Variants in LAMB4 observed in about 807,000 individuals in gnomAD.
LAMB4 encodes laminin subunit beta 4, also known as laminin subunit beta-4.
Under a neutral mutation model 199.2 loss-of-function variants are expected in LAMB4, and 196 were observed. That is an observed-to-expected ratio of 0.98 (90% CI 0.88 to 1.11). The LOEUF (loss-of-function observed/expected upper bound fraction) is 1.11. LAMB4 is among the 50% of genes least tolerant of loss of function. The pLI is 0.00. For synonymous variants in LAMB4, 744 were observed against 770.6 expected (o/e 0.97, Z 0.57); for missense variants, 2,080 against 2,171.2 (o/e 0.96, Z 0.83).
chr7:108,048,937 C>T (rs1176954542), intron 27 of LAMB4, among the ~76,000 whole-genome samples: 1 of 152,158 alleles, frequency 6.6e-6, no homozygotes, highest in Admixed American at 6.5e-5. Context: ...GTAATCTGCC[C>T]ACCTTGGCCT....
intron 26 of LAMB4, among the ~76,000 whole-genome samples, chr7:108,051,316 G>A (rs1044912843): frequency 3.3e-5 from 5 of 151,574 alleles, no homozygotes; most frequent in African/African-American, 1.2e-4. Flanking sequence ...TCTCTTCTAG[G>A]TCAAAATCAG....
chr7:108,020,650 T>C (rs2034673685), downstream of LAMB4, among the ~76,000 whole-genome samples: 1 of 152,138 alleles, frequency 6.6e-6, no homozygotes, highest in Non-Finnish European at 1.5e-5. Context: ...CAATGAAAGC[T>C]GATGGAACCT....
chr7:108,043,112 T>C (rs2035480119), intron 29 of LAMB4, among the ~76,000 whole-genome samples: 2 of 152,122 alleles, frequency 1.3e-5, no homozygotes. Flanking sequence ...TCAGCTACTT[T>C]TGGTCAGCCA....
At chr7:108,065,966 A>C (rs750758140) in intron 20 of LAMB4, 47 bp from the exon 21 acceptor site, 14 of 1,566,522 alleles carry the variant, frequency 8.9e-6, no homozygotes, top group Middle Eastern at 3.4e-4. Flanking sequence ...GGAAAAGATC[A>C]CATGTTAGCC....
chr7:108,046,912 ATTTCT>A (rs1371826289), intron 28 of LAMB4, among the ~76,000 whole-genome samples: 1 of 151,092 alleles, frequency 6.6e-6, no homozygotes, highest in Non-Finnish European at 1.5e-5. Context: ...TAATTTATAT[ATTTCT>A]TTTATTATTA....
chr7:108,064,475 C>T (rs1017750225), intron 21 of LAMB4, among the ~76,000 whole-genome samples: 2 of 152,170 alleles, frequency 1.3e-5, no homozygotes, highest in African/African-American at 2.4e-5. Flanking sequence ...GACATATGAG[C>T]CCTTGAGGGT....
At chr7:108,111,676 T>G (rs1045075540) in intron 4 of LAMB4, 135 bp downstream of exon 4, 11 of 675,294 alleles carry the variant, frequency 1.6e-5, no homozygotes, top group Non-Finnish European at 2.5e-5. Context: ...CTTATATGGG[T>G]CTCTACATTC....
intron 10 of LAMB4, among the ~76,000 whole-genome samples, chr7:108,102,162 T>C (rs2150644012): frequency 6.6e-6 from 1 of 152,346 alleles, no homozygotes; most frequent in East Asian, 1.9e-4. Context: ...GAATGTTTAC[T>C]GTAGCATCCA....
intron 17 of LAMB4, among the ~76,000 whole-genome samples, chr7:108,076,550 G>T (rs897059552): frequency 6.6e-6 from 1 of 152,146 alleles, no homozygotes; most frequent in Admixed American, 6.5e-5. Context: ...AATGTGGTTG[G>T]ATTTCTTCCC....
chr7:108,129,744 G>C (rs972272450), intron 1 of LAMB4, among the ~76,000 whole-genome samples: 8 of 152,048 alleles, frequency 5.3e-5, no homozygotes, highest in Admixed American at 3.9e-4. Flanking sequence ...GCTCAGGCTG[G>C]TCTTGACCTC....
chr7:108,041,923 T>C (rs2035436032), intron 29 of LAMB4, among the ~76,000 whole-genome samples: 1 of 152,360 alleles, frequency 6.6e-6, no homozygotes, highest in Admixed American at 6.5e-5. Context: ...GTGAAGTTCC[T>C]TCAATCACTT....
In LAMB4 at chr7:108,048,118, A is replaced by T. The variant is rs200513433; in HGVS notation, c.4123-7T>A. On this transcript the variant is annotated splice_region_variant and splice_polypyrimidine_tract_variant and intron_variant, in intron 27 of 33. Transcript: ENST00000388781. ...TTCCTGGATCTCCGCACACCTTGCAAGAGAAATGATTTACGTTAAATAGCA... is the reference window on the plus strand; with the variant it reads ...TTCCTGGATCTCCGCACACCTTGCATGAGAAATGATTTACGTTAAATAGCA... The T allele has an allele frequency of 4.2e-5, 66 of 1,588,698 alleles. No individual in the cohort carries two copies. The highest frequency in any genetic ancestry group is 5.3e-5 in the Non-Finnish European group (62 of 1,163,134).
intron 27 of LAMB4, among the ~76,000 whole-genome samples, chr7:108,049,055 T>G (rs887718043): frequency 5.9e-5 from 9 of 152,190 alleles, no homozygotes; most frequent in Admixed American, 5.2e-4. Flanking sequence ...GAGCAAATGT[T>G]CATAGCCTGT....
In LAMB4 at chr7:108,030,888, T is replaced by G; in HGVS notation, c.4910A>C (p.Lys1637Thr). 6.2e-7 allele frequency: 1 copy of G among 1,614,170 alleles called. No homozygotes were observed. Among genetic ancestry groups the G allele is most frequent in the Middle Eastern group, 1.6e-4 (1 of 6,062 alleles). Residue 1637 changes from lysine (K) to threonine (T), a missense_variant, in exon 32 of 34, where the codon AAG becomes ACG. Physicochemically the swap from Lys to Thr is moderately conservative, Grantham distance 78. Transcript: ENST00000388781. The stretch of plus-strand genomic sequence containing the variant: ...AGCGTGGTCTTGATGCCTTTGCAAC[T>G]TGGTCTGCAGCAGGGAAAGTCCATC... ...LEDGLSLLQTKLQRHQDHAVN... is the reference protein window; with the variant it reads ...LEDGLSLLQTTLQRHQDHAVN...
chr7:108,020,341 C>T (rs907322554), downstream of LAMB4, among the ~76,000 whole-genome samples: 1 of 151,746 alleles, frequency 6.6e-6, no homozygotes, highest in African/African-American at 2.4e-5. Context: ...CATGGTGGCA[C>T]ATGCCTGTAA....
chr7:108,075,124 C>T (rs1259862226), intron 17 of LAMB4, among the ~76,000 whole-genome samples: 1 of 152,064 alleles, frequency 6.6e-6, no homozygotes, highest in African/African-American at 2.4e-5. Context: ...ATTTTCTTCC[C>T]TTTGTAACTC....
chr7:108,047,512 A>G (rs2035668287), intron 28 of LAMB4, among the ~76,000 whole-genome samples: 1 of 152,108 alleles, frequency 6.6e-6, no homozygotes, highest in South Asian at 2.1e-4. Flanking sequence ...TTATATTATG[A>G]TATATAATAC....
At chr7:108,082,078 C>A (rs547032448) in intron 14 of LAMB4, among the ~76,000 whole-genome samples, 2 of 152,094 alleles carry the variant, frequency 1.3e-5, no homozygotes, top group Non-Finnish European at 2.9e-5. Context: ...CGCCTGTAAT[C>A]CTAGCACTTT....
chr7:108,116,860 C>T (rs1420492431), intron 2 of LAMB4, among the ~76,000 whole-genome samples: 1 of 152,098 alleles, frequency 6.6e-6, no homozygotes, highest in Non-Finnish European at 1.5e-5. Flanking sequence ...TAGTGAGACT[C>T]CCATCTCCAC....
Sources: gnomAD v4.1 joint callset for allele counts (sites outside exome capture counted in the v4.1 genomes callset) on GRCh38, gnomAD v4.1.1 for gene constraint, MANE v1.5 for transcripts, NCBI Gene and HGNC (gene_info 2026-07-23, HGNC 2026-07-21) for gene names.